The following OPCML variants were observed in gnomAD, a reference collection of about 807,000 sequenced individuals.
OPCML encodes the protein opioid-binding protein/cell adhesion molecule.
OPCML carries 13 observed loss-of-function variants against 37.8 expected under a neutral mutation model. That is an observed-to-expected ratio of 0.34 (90% CI 0.22 to 0.55). The LOEUF (loss-of-function observed/expected upper bound fraction) is 0.55. Ranked by LOEUF, OPCML falls within the 20% of genes least tolerant of loss-of-function variation. OPCML has a pLI of 0.91. For missense variants in OPCML, 341 were observed against 435.6 expected (o/e 0.78, Z 1.93); for synonymous variants, 176 against 168.8 (o/e 1.04, Z -0.33).
chr11:132,455,122 A>G (rs1332573803), intron 4 of OPCML, among the ~76,000 whole-genome samples: 1 of 152,240 alleles, frequency 6.6e-6, no homozygotes, highest in Non-Finnish European at 1.5e-5. Context: ...CATGCTCCTC[A>G]TACCAGCATT....
chr11:133,386,697 G>A (rs993878551), intron 1 of OPCML, among the ~76,000 whole-genome samples: 15 of 152,210 alleles, frequency 9.9e-5, no homozygotes, highest in Admixed American at 1.3e-4. Context: ...CAGGAAAAGC[G>A]CTAAGCAAAT....
chr11:132,757,960 T>G (rs1451177501), intron 2 of OPCML, among the ~76,000 whole-genome samples: 5 of 152,248 alleles, frequency 3.3e-5, no homozygotes, highest in Non-Finnish European at 5.9e-5. Flanking sequence ...TAATTCGTCT[T>G]GAGTTAATCT....
intron 1 of OPCML, among the ~76,000 whole-genome samples, chr11:133,320,571 CCT>C (rs111742854): frequency 0.12 from 18,066 of 152,130 alleles, 1,703 homozygotes; most frequent in African/African-American, 0.27. Context: ...CTTATCACCA[CCT>C]CCCCTTTCAT....
intron 1 of OPCML, among the ~76,000 whole-genome samples, chr11:133,394,902 G>T (rs1440674351): frequency 6.6e-6 from 1 of 152,182 alleles, no homozygotes; most frequent in Non-Finnish European, 1.5e-5. Flanking sequence ...AAATGGGATT[G>T]CTAGATCACA....
intron 2 of OPCML, among the ~76,000 whole-genome samples, chr11:132,667,815 T>C (rs566921060): frequency 5.9e-5 from 9 of 152,364 alleles, no homozygotes; most frequent in African/African-American, 2.2e-4. Context: ...TAGGGAACTA[T>C]AGTGGGACTT....
intron 2 of OPCML, among the ~76,000 whole-genome samples, chr11:132,903,024 T>C (rs951121762): frequency 6.6e-6 from 1 of 152,210 alleles, no homozygotes; most frequent in African/African-American, 2.4e-5. Flanking sequence ...GGCTCATTCA[T>C]TTCCCCTGAA....
At chr11:133,426,582 G>A (rs930807020) in intron 1 of OPCML, among the ~76,000 whole-genome samples, 1 of 152,100 alleles carries the variant, frequency 6.6e-6, no homozygotes, top group Non-Finnish European at 1.5e-5. Flanking sequence ...CTCCTCCTCT[G>A]CCCCAGGCCC....
chr11:133,027,599 G>T (rs1947581650), intron 1 of OPCML, among the ~76,000 whole-genome samples: 1 of 147,790 alleles, frequency 6.8e-6, no homozygotes, highest in African/African-American at 2.5e-5. Context: ...TGTATGTGTG[G>T]TGTGCATGGT....
chr11:133,494,882 TAATAA>T (rs59184941), intron 1 of OPCML, among the ~76,000 whole-genome samples: 32 of 151,926 alleles, frequency 2.1e-4, no homozygotes, highest in South Asian at 6.2e-4. Flanking sequence ...AATAATAAAA[TAATAA>T]AATAAAATAA....
At chr11:133,264,119 T>C (rs1020224239) in intron 1 of OPCML, among the ~76,000 whole-genome samples, 2 of 152,106 alleles carry the variant, frequency 1.3e-5, no homozygotes, top group African/African-American at 4.8e-5. Context: ...AAGTCAACCA[T>C]TTGAGTTGCT....
At chr11:132,473,185 CA>C (rs766967585) in intron 4 of OPCML, among the ~76,000 whole-genome samples, 1 of 152,202 alleles carries the variant, frequency 6.6e-6, no homozygotes, top group African/African-American at 2.4e-5. Flanking sequence ...AAGCCATTCC[CA>C]GGGGCAGATT....
chr11:133,448,708 CA>C (rs2136954125), intron 1 of OPCML, among the ~76,000 whole-genome samples: 1 of 152,296 alleles, frequency 6.6e-6, no homozygotes, highest in South Asian at 2.1e-4. Flanking sequence ...TCGCCCGCCT[CA>C]GCGTCCCGAA....
chr11:133,243,521 C>T (rs116369939), intron 1 of OPCML, among the ~76,000 whole-genome samples: 17 of 152,290 alleles, frequency 1.1e-4, no homozygotes, highest in African/African-American at 4.1e-4. Context: ...TGAGAAGGCG[C>T]TGCAGAGGGG....
chr11:133,311,393 G>A lies in OPCML; in HGVS notation c.61+220871C>T, dbSNP rs561938666. The stretch of plus-strand genomic sequence containing the variant: ...TTTCCTCCAGTTTGTTGAAAGCACT[G>A]AGAATTTGGCCCAGACTTTCTAGTG... On this transcript the variant is annotated intron_variant, in intron 1 of 7. Coordinates refer to ENST00000524381, the MANE Select transcript of OPCML (RefSeq NM_001012393.5). Among the ~76,000 whole-genome samples, 70 of 152,280 alleles carry A rather than the reference G, an allele frequency of 4.6e-4. No individual in the cohort carries two copies. In the South Asian group the frequency reaches 9.7e-3, roughly 21 times the overall value.
At chr11:132,616,814 G>A (rs77761709) in intron 3 of OPCML, among the ~76,000 whole-genome samples, 209 of 152,270 alleles carry the variant, frequency 1.4e-3, no homozygotes, top group Middle Eastern at 6.8e-3. Flanking sequence ...TCTTTTGTAG[G>A]ATTATTTCCA....
At chr11:133,451,592 C>T (rs1168869413) in intron 1 of OPCML, among the ~76,000 whole-genome samples, 1 of 151,518 alleles carries the variant, frequency 6.6e-6, no homozygotes, top group Non-Finnish European at 1.5e-5. Context: ...GCCTGTAATC[C>T]AGCGCTTTGG....
chr11:132,813,480 C>T (rs949050177), intron 2 of OPCML, among the ~76,000 whole-genome samples: 1 of 152,138 alleles, frequency 6.6e-6, no homozygotes, highest in African/African-American at 2.4e-5. Flanking sequence ...TGGACACTAC[C>T]AATGCAAGAG....
intron 1 of OPCML, among the ~76,000 whole-genome samples, chr11:133,448,984 T>C (rs1460433968): frequency 2.0e-5 from 3 of 152,220 alleles, no homozygotes; most frequent in Non-Finnish European, 2.9e-5. Flanking sequence ...CCTATAAATA[T>C]GGTGAGTTTT....
chr11:133,461,461 A>G (rs2136985874), intron 1 of OPCML, among the ~76,000 whole-genome samples: 1 of 152,076 alleles, frequency 6.6e-6, no homozygotes, highest in African/African-American at 2.4e-5. Flanking sequence ...AACAATTCAA[A>G]AAGGAAATTA....
Sources: gnomAD v4.1 joint callset for allele counts (sites outside exome capture counted in the v4.1 genomes callset) on GRCh38, gnomAD v4.1.1 for gene constraint, MANE v1.5 for transcripts, NCBI Gene and HGNC (gene_info 2026-07-23, HGNC 2026-07-21) for gene names.